The following BMAL2 variants were observed in gnomAD, a reference collection of about 807,000 sequenced individuals.
The protein encoded by BMAL2 is basic helix-loop-helix ARNT-like protein 2.
chr12:27,385,186 C>T, the BMAL2 span, among the ~76,000 whole-genome samples: 19 of 152,166 alleles, frequency 1.2e-4, no homozygotes, highest in East Asian at 1.2e-3. Context: ...TGGTGGCATG[C>T]GCCTATAATC....
At chr12:27,405,546 T>C in the BMAL2 span, among the ~76,000 whole-genome samples, 1 of 152,168 alleles carries the variant, frequency 6.6e-6, no homozygotes, top group African/African-American at 2.4e-5. Context: ...TCCTGACTGT[T>C]AGAGGGAAAA....
the BMAL2 span, among the ~76,000 whole-genome samples, chr12:27,404,676 G>A: frequency 3.3e-5 from 5 of 152,222 alleles, no homozygotes; most frequent in African/African-American, 9.6e-5. Flanking sequence ...CAGCATGAGC[G>A]ACACAGAAGA....
chr12:27,381,074 C>G, the BMAL2 span, among the ~76,000 whole-genome samples: 1 of 152,130 alleles, frequency 6.6e-6, no homozygotes, highest in African/African-American at 2.4e-5. Flanking sequence ...TCTGCAGTTT[C>G]TCTTAAAGCT....
chr12:27,381,223 A>G, the BMAL2 span, among the ~76,000 whole-genome samples: 1 of 152,164 alleles, frequency 6.6e-6, no homozygotes, highest in Non-Finnish European at 1.5e-5. Context: ...GGCTTTAGCA[A>G]TTCCCCAACT....
At chr12:27,354,038 A>T in the BMAL2 span, among the ~76,000 whole-genome samples, 488 of 152,332 alleles carry the variant, frequency 3.2e-3, 1 homozygote, top group African/African-American at 0.011. Context: ...AAACAGAACT[A>T]CCATCTGACC....
the BMAL2 span, among the ~76,000 whole-genome samples, chr12:27,354,531 C>T: frequency 1.3e-5 from 2 of 152,088 alleles, no homozygotes; most frequent in Admixed American, 6.6e-5. Flanking sequence ...ATGCAGTTTA[C>T]ACATATAACA....
At chr12:27,416,052 A>G in the BMAL2 span, 127 of 770,318 alleles carry the variant, frequency 1.6e-4, 1 homozygote, top group Admixed American at 6.0e-5. Flanking sequence ...GTCAAAAAAA[A>G]AATGAACCCA....
the BMAL2 span, chr12:27,389,051 T>G: frequency 1.4e-6 from 1 of 725,722 alleles, no homozygotes; most frequent in African/African-American, 1.8e-5. Context: ...TGTCACACAG[T>G]GTCGTGGACA....
chr12:27,421,639 G>A, the BMAL2 span: 1 of 151,838 alleles, frequency 6.6e-6, no homozygotes, highest in Non-Finnish European at 1.5e-5. Flanking sequence ...TAAAAAAAAA[G>A]ATTTAATATA....
chr12:27,366,520 A>G, the BMAL2 span, among the ~76,000 whole-genome samples: 1 of 152,228 alleles, frequency 6.6e-6, no homozygotes, highest in South Asian at 2.1e-4. Context: ...GCATTTTAAT[A>G]TGAGAAATAT....
chr12:27,347,619 T>TAAAAAAAAA, the BMAL2 span, among the ~76,000 whole-genome samples: 1 of 151,626 alleles, frequency 6.6e-6, no homozygotes, highest in African/African-American at 2.4e-5. Context: ...AGCTTTTTTT[T>TAAAAAAAAA]AAAAAAAATA....
chr12:27,381,560 G>A, the BMAL2 span, among the ~76,000 whole-genome samples: 1 of 152,082 alleles, frequency 6.6e-6, no homozygotes, highest in Non-Finnish European at 1.5e-5. Flanking sequence ...ACAGTATCAA[G>A]GGGAAAATCC....
At chr12:27,424,283 C>A in the BMAL2 span, 1 of 152,126 alleles carries the variant, frequency 6.6e-6, no homozygotes, top group Non-Finnish European at 1.5e-5. Context: ...ATTTATTGAT[C>A]CTTGAATCTG....
the BMAL2 span, among the ~76,000 whole-genome samples, chr12:27,370,529 A>G: frequency 1.3e-5 from 2 of 152,198 alleles, no homozygotes; most frequent in Non-Finnish European, 2.9e-5. Context: ...ATCTTTTTAA[A>G]AAGGAAAAAT....
the BMAL2 span, among the ~76,000 whole-genome samples, chr12:27,391,412 C>T: frequency 0.12 from 18,118 of 152,212 alleles, 1,376 homozygotes; most frequent in African/African-American, 0.21. Flanking sequence ...ATGATTCATA[C>T]GTAGCCCACT....
chr12:27,397,317 A>T, the BMAL2 span, among the ~76,000 whole-genome samples: 1 of 152,338 alleles, frequency 6.6e-6, no homozygotes, highest in East Asian at 1.9e-4. Flanking sequence ...TGATCCGCCA[A>T]CCTTGGCCTC....
At chr12:27,361,331 C>T in the BMAL2 span, among the ~76,000 whole-genome samples, 57 of 152,192 alleles carry the variant, frequency 3.7e-4, no homozygotes, top group Admixed American at 3.0e-3. Context: ...TTATCATCAC[C>T]AGGGAGACAG....
At chr12:27,376,359 G>A in the BMAL2 span, 1 of 1,613,812 alleles carries the variant, frequency 6.2e-7, no homozygotes, top group East Asian at 2.2e-5. Context: ...GGAAGATGGT[G>A]AACACCAAGT....
the BMAL2 span, among the ~76,000 whole-genome samples, chr12:27,409,234 G>C: frequency 3.3e-5 from 5 of 152,152 alleles, no homozygotes; most frequent in East Asian, 9.7e-4. Flanking sequence ...CACAGAATTG[G>C]AAAAAACTAC....
Sources: allele counts gnomAD v4.1 joint callset (sites outside exome capture counted in the v4.1 genomes callset), GRCh38; gene constraint gnomAD v4.1.1; transcripts MANE v1.5; gene names NCBI Gene and HGNC (gene_info 2026-07-23, HGNC 2026-07-21).